The following NBEA variants were observed in gnomAD, a reference collection of about 807,000 sequenced individuals.
NBEA encodes lysosomal-trafficking regulator 2.
Under a neutral mutation model 343.4 loss-of-function variants are expected in NBEA, and 44 were observed. The observed-to-expected ratio is 0.13, with a 90% CI of 0.10 to 0.16. The LOEUF (loss-of-function observed/expected upper bound fraction) is 0.16, where lower values mean the gene tolerates loss of function less well. Ranked by LOEUF, NBEA falls within the 10% of genes least tolerant of loss-of-function variation. NBEA has a pLI of 1.00. For missense variants in NBEA, 2,555 were observed against 3,631.3 expected, an observed-to-expected ratio of 0.70 and a Z score of 7.62; for synonymous variants, 1,175 against 1,238.7, an observed-to-expected ratio of 0.95 and a Z score of 1.08.
chr13:35,385,505 C>G (rs2042204784), intron 38 of NBEA, among the ~76,000 whole-genome samples: 1 of 151,988 alleles, frequency 6.6e-6, no homozygotes, highest in Non-Finnish European at 1.5e-5. Context: ...TCTAAACCAG[C>G]CTGGGCAACA....
In NBEA at chr13:35,330,715, C is replaced by T. The variant is rs187202980; in HGVS notation, c.5904-18393C>T. 4.8e-3 allele frequency among the ~76,000 whole-genome samples: 725 copies of T among 152,004 alleles called. 6 individuals are homozygous for T. Among genetic ancestry groups the T allele is most frequent in the African/African-American group, 0.016 (681 of 41,480 alleles). On this transcript the variant is annotated intron_variant, in intron 36 of 58. Transcript: ENST00000379939. ...TATAATTGTTCATATAATCAACTGA[C>T]GCAAAGGCATGAATAATTGATAGAT...
chr13:35,032,979 C>A (rs1440270160), intron 1 of NBEA, among the ~76,000 whole-genome samples: 4 of 151,956 alleles, frequency 2.6e-5, no homozygotes, highest in East Asian at 3.9e-4. Context: ...TTGATTGTTT[C>A]TTTTGCTGCA....
chr13:35,000,386 G>A (rs1008930721), intron 1 of NBEA, among the ~76,000 whole-genome samples: 4 of 151,920 alleles, frequency 2.6e-5, no homozygotes, highest in Admixed American at 6.6e-5. Context: ...GTCCTGTTTC[G>A]GAGAAGATAG....
chr13:35,203,312 T>G (rs2073145306), intron 31 of NBEA, among the ~76,000 whole-genome samples: 1 of 152,176 alleles, frequency 6.6e-6, no homozygotes, highest in African/African-American at 2.4e-5. Context: ...GCCTTTGTAC[T>G]GTTACCTCTG....
At position 35,105,141 on chromosome 13, in the gene NBEA, G is replaced by A. The variant is rs139067878; in HGVS notation, c.1681-4149G>A. Among the ~76,000 whole-genome samples the A allele has an allele frequency of 2.2e-3, 329 of 152,116 alleles. 1 individual carries two copies. The highest frequency in any genetic ancestry group is 3.6e-3 in the Non-Finnish European group (242 of 67,942). On this transcript the variant is annotated intron_variant, in intron 11 of 58. Transcript: ENST00000379939. Reference sequence around the variant, plus strand: ...TAGGAGAAGGGTACCTGATGGGAGCGTGGTCTTCAAGAAAGGAGTATAGTG... The same window carrying A: ...TAGGAGAAGGGTACCTGATGGGAGCATGGTCTTCAAGAAAGGAGTATAGTG...
At chr13:35,395,874 A>G (rs2152903094) in intron 38 of NBEA, among the ~76,000 whole-genome samples, 1 of 152,278 alleles carries the variant, frequency 6.6e-6, no homozygotes, top group Non-Finnish European at 1.5e-5. Context: ...ACTCTTTCTC[A>G]TTATTAAATA....
intron 38 of NBEA, among the ~76,000 whole-genome samples, chr13:35,383,321 A>G (rs2042096212): frequency 6.6e-6 from 1 of 152,214 alleles, no homozygotes; most frequent in Admixed American, 6.5e-5. Flanking sequence ...AAATAATATC[A>G]GCCAGGACCA....
chr13:35,041,270 T>A, intron 2 of NBEA, 106 bp downstream of exon 2: 1 of 948,004 alleles, frequency 1.1e-6, no homozygotes, highest in Non-Finnish European at 1.5e-6. Context: ...TTACTTTGAT[T>A]TAAAATAAAT....
At chr13:35,042,214 A>G (rs1277118156) in intron 2 of NBEA, among the ~76,000 whole-genome samples, 1 of 151,928 alleles carries the variant, frequency 6.6e-6, no homozygotes, top group Non-Finnish European at 1.5e-5. Flanking sequence ...ATTAAAAATC[A>G]TATCTAATTA....
chr13:35,089,687 T>G (rs1449625725), intron 10 of NBEA, among the ~76,000 whole-genome samples: 1 of 132,606 alleles, frequency 7.5e-6, no homozygotes, highest in Non-Finnish European at 1.6e-5. Flanking sequence ...TAGACTGGAT[T>G]AAGAAAATGT....
rs1593608458 is a variant in NBEA, at chr13:35,173,967, A to G, written c.4554+373A>G. ...CAAAAACTCACTGAATGCCCATTCA[A>G]TGAATGGAGTATTTTGAAATATACT... is the stretch of plus-strand genomic sequence containing the variant. On this transcript the variant is annotated intron_variant, in intron 27 of 58. Coordinates refer to ENST00000379939, the MANE Select transcript of NBEA (RefSeq NM_001385012.1). 2.0e-5 allele frequency among the ~76,000 whole-genome samples: 3 copies of G among 152,182 alleles called. No homozygotes were observed. The South Asian group carries it at 6.2e-4, about 31-fold the overall frequency.
chr13:35,593,399 C>T lies in NBEA; in HGVS notation c.7248C>T (p.Ser2416=), dbSNP rs370660416. The stretch of plus-strand genomic sequence containing the variant: ...ATCATCCAGATCGAACCTTCTCATC[C>T]GTTGCAAGGTCTTGGAGAACTAGTC... ...KFDHPDRTFS[S]VARSWRTSQR... Residue 2416 remains serine, a synonymous_variant, in exon 47 of 59, where the codon TCC becomes TCT. Coordinates refer to ENST00000379939, the MANE Select transcript of NBEA (RefSeq NM_001385012.1). 1.6e-5 allele frequency: 25 copies of T among 1,611,766 alleles called. No homozygotes were observed. Among genetic ancestry groups the T allele is most frequent in the South Asian group, 1.5e-4 (14 of 91,042 alleles).
chr13:34,984,264 T>C (rs564792960), intron 1 of NBEA, among the ~76,000 whole-genome samples: 66 of 152,296 alleles, frequency 4.3e-4, no homozygotes, highest in Non-Finnish European at 7.6e-4. Context: ...GGCTAGCCAG[T>C]TATTAAATAG....
chr13:35,161,221 C>A (rs1328722267), intron 22 of NBEA, among the ~76,000 whole-genome samples: 1 of 152,066 alleles, frequency 6.6e-6, no homozygotes, highest in Non-Finnish European at 1.5e-5. Context: ...GCCTGTTTTT[C>A]ATTTGGAGTT....
At chr13:35,224,253 A>C (rs1481946736) in intron 33 of NBEA, among the ~76,000 whole-genome samples, 1 of 152,128 alleles carries the variant, frequency 6.6e-6, no homozygotes, top group African/African-American at 2.4e-5. Flanking sequence ...TTCACTTGCA[A>C]AATTCTTTTT....
intron 16 of NBEA, among the ~76,000 whole-genome samples, chr13:35,123,030 G>A (rs1346119611): frequency 6.6e-6 from 1 of 152,144 alleles, no homozygotes; most frequent in African/African-American, 2.4e-5. Context: ...GGTGGCTCAC[G>A]CCTGTAATTC....
Position 35,606,450 on chromosome 13 carries a change from C to T in NBEA, c.7321C>T (p.Leu2441=). 6.4e-7 allele frequency: 1 copy of T among 1,551,690 alleles called. No homozygotes were observed. Among genetic ancestry groups the T allele is most frequent in the Admixed American group, 1.9e-5 (1 of 53,922 alleles). ...GGAACTAATTCCAGAGTTCTACTAC[C>T]TACCAGAGATGTTTGTCAACAGTAA... ...VKELIPEFYY[L]PEMFVNSNGY... is the part of the protein sequence containing the mutation. Residue 2441 remains leucine, a synonymous_variant, in exon 48 of 59, where the codon CTA becomes TTA. Transcript: ENST00000379939.
At chr13:35,166,305 TTAAAG>T (rs1463074119) in intron 24 of NBEA, among the ~76,000 whole-genome samples, 1 of 152,184 alleles carries the variant, frequency 6.6e-6, no homozygotes, top group Non-Finnish European at 1.5e-5. Context: ...AGATAGAATA[TTAAAG>T]TAATGAAGTA....
intron 40 of NBEA, among the ~76,000 whole-genome samples, chr13:35,470,718 C>T (rs1403813907): frequency 6.6e-6 from 1 of 152,166 alleles, no homozygotes; most frequent in Non-Finnish European, 1.5e-5. Flanking sequence ...CGGTTCGAAC[C>T]GGCCCGAGCG....
Sources: gnomAD v4.1 joint callset for allele counts (sites outside exome capture counted in the v4.1 genomes callset) on GRCh38, gnomAD v4.1.1 for gene constraint, MANE v1.5 for transcripts, NCBI Gene and HGNC (gene_info 2026-07-23, HGNC 2026-07-21) for gene names.